PLXNA4: variants seen among roughly 807,000 people sequenced by gnomAD.
The protein encoded by PLXNA4 is plexin A4.
Under a neutral mutation model 191.8 loss-of-function variants are expected in PLXNA4, and 44 were observed. The ratio of observed to expected loss-of-function variants is 0.23; its 90% CI spans 0.18 to 0.29. The LOEUF (loss-of-function observed/expected upper bound fraction) is 0.29. Ranked by LOEUF, PLXNA4 falls within the 10% of genes least tolerant of loss-of-function variation. The probability of loss-of-function intolerance (pLI) is 1.00; values close to 1 mark genes in which losing one functional copy is unlikely to be tolerated. For missense variants in PLXNA4, 1,800 were observed against 2,488.8 expected (o/e 0.72, Z 5.89); for synonymous variants, 1,082 against 1,009.5 (o/e 1.07, Z -1.36).
intron 3 of PLXNA4, among the ~76,000 whole-genome samples, chr7:132,484,112 A>G (rs1797448200): frequency 2.0e-5 from 3 of 152,266 alleles, no homozygotes; most frequent in Non-Finnish European, 4.4e-5. Context: ...GTTCAAGAAT[A>G]TAAAATATGT....
intron 9 of PLXNA4, among the ~76,000 whole-genome samples, chr7:132,214,343 C>A (rs1407383279): frequency 6.6e-6 from 1 of 152,062 alleles, no homozygotes; most frequent in Non-Finnish European, 1.5e-5. Context: ...ATCGGTAGCC[C>A]CATAAAGGCC....
At chr7:132,244,993 C>T (rs1162819232) in intron 4 of PLXNA4, among the ~76,000 whole-genome samples, 4 of 152,182 alleles carry the variant, frequency 2.6e-5, no homozygotes, top group African/African-American at 7.2e-5. Flanking sequence ...TTGCCACTCA[C>T]AGCCTTACAC....
intron 20 of PLXNA4, 74 bp downstream of exon 20, chr7:132,179,613 T>C: frequency 6.4e-7 from 1 of 1,559,088 alleles, no homozygotes; most frequent in Non-Finnish European, 8.7e-7. Flanking sequence ...TGCATACACA[T>C]ACACAGATGT....
intron 3 of PLXNA4, among the ~76,000 whole-genome samples, chr7:132,349,161 T>C (rs1470048505): frequency 1.3e-5 from 2 of 152,188 alleles, no homozygotes; most frequent in Non-Finnish European, 2.9e-5. Context: ...TTTTTTTAAA[T>C]AAATAAAAGG....
chr7:132,381,690 G>A (rs1288826775), intron 3 of PLXNA4, among the ~76,000 whole-genome samples: 2 of 152,240 alleles, frequency 1.3e-5, no homozygotes, highest in Non-Finnish European at 2.9e-5. Context: ...CATTTGGGAT[G>A]AATGCGGAGT....
chr7:132,180,876 T>C, intron 18 of PLXNA4, 144 bp from the exon 19 acceptor site: 1 of 1,351,644 alleles, frequency 7.4e-7, no homozygotes, highest in Non-Finnish European at 9.9e-7. Context: ...CAAAAAATAT[T>C]CATGGCATGA....
intron 2 of PLXNA4, among the ~76,000 whole-genome samples, chr7:132,610,202 C>G (rs1048024759): frequency 6.6e-6 from 1 of 152,166 alleles, no homozygotes; most frequent in Non-Finnish European, 1.5e-5. Context: ...AGACAAAACC[C>G]TTACACAAGA....
chr7:132,371,311 C>A (rs1804429799), intron 3 of PLXNA4, among the ~76,000 whole-genome samples: 1 of 152,202 alleles, frequency 6.6e-6, no homozygotes, highest in African/African-American at 2.4e-5. Context: ...TTACCAAAAA[C>A]TGTCCCAGGA....
chr7:132,490,423 CT>C (rs35467841), intron 2 of PLXNA4, among the ~76,000 whole-genome samples: 20,646 of 109,866 alleles, frequency 0.19, 1,265 homozygotes, highest in African/African-American at 0.37. Flanking sequence ...CCTTTTCTTC[CT>C]TTTTTTTTTT....
At chr7:132,212,863 C>T (rs58752474) in intron 9 of PLXNA4, among the ~76,000 whole-genome samples, 10,454 of 152,178 alleles carry the variant, frequency 0.069, 1,081 homozygotes, top group African/African-American at 0.22. Flanking sequence ...TCCTGAAGGG[C>T]AGCTGAAAGA....
intron 13 of PLXNA4, 137 bp from the exon 14 acceptor site, chr7:132,194,316 T>C (rs1797184394): frequency 2.2e-6 from 3 of 1,343,244 alleles, no homozygotes; most frequent in East Asian, 4.8e-5. Context: ...GGGGAAGATA[T>C]CCTAATTCCT....
intron 2 of PLXNA4, among the ~76,000 whole-genome samples, chr7:132,583,998 T>A (rs1802459354): frequency 1.3e-5 from 2 of 152,206 alleles, no homozygotes; most frequent in South Asian, 4.1e-4. Context: ...ACTATGGGAA[T>A]AGGCACATGC....
rs1184725285 is a variant in PLXNA4 at position 132,141,737 on chromosome 7, TTTTC to T, written c.5226-930_5226-927del. Among the ~76,000 whole-genome samples, 5 of 152,050 alleles carry T rather than the reference TTTTC, an allele frequency of 3.3e-5. No homozygotes were observed. The East Asian group carries it at 7.8e-4, about 24-fold the overall frequency. The stretch of plus-strand genomic sequence containing the variant: ...TAAGTCTTTCCTTTCCTTTCTTTCT[TTTTC>T]TTTCTTTCAATGGAGTTTTGCTCTG... On this transcript the variant is annotated intron_variant, in intron 29 of 31. Coordinates refer to ENST00000321063, the MANE Select transcript of PLXNA4 (RefSeq NM_020911.2).
chr7:132,385,039 T>C, intron 3 of PLXNA4: 3 of 1,450,522 alleles, frequency 2.1e-6, no homozygotes, highest in Non-Finnish European at 2.7e-6. Context: ...CTCCAAAGTC[T>C]TTTTTCCCTA....
chr7:132,434,746 G>T (rs551868776), intron 3 of PLXNA4, among the ~76,000 whole-genome samples: 9 of 152,232 alleles, frequency 5.9e-5, no homozygotes, highest in African/African-American at 2.2e-4. Flanking sequence ...AGTGTGGAAC[G>T]GTGAGCTCCA....
intron 9 of PLXNA4, 91 bp from the exon 10 acceptor site, chr7:132,211,234 C>T (rs770192131): frequency 3.7e-5 from 51 of 1,379,928 alleles, no homozygotes; most frequent in Non-Finnish European, 4.8e-5. Flanking sequence ...TCCCTGTCTC[C>T]ACCCTTCCAT....
rs748174435 is a variant in PLXNA4 at position 132,532,145 on chromosome 7, G to A, written c.-86-23366C>T. 5.9e-5 allele frequency among the ~76,000 whole-genome samples: 9 copies of A among 152,284 alleles called. No individual in the cohort carries two copies. In the South Asian group the frequency reaches 1.0e-3, roughly 18 times the overall value. On this transcript the variant is annotated intron_variant, in intron 1 of 31. Transcript: ENST00000321063. Reference sequence around the variant, plus strand: ...AACACAGGTTGAAGACATAAAAGACGTTTTTACCCATTCCAACAAACTGGC... The same window carrying A: ...AACACAGGTTGAAGACATAAAAGACATTTTTACCCATTCCAACAAACTGGC...
At chr7:132,148,485 T>A (rs1188091297) in intron 26 of PLXNA4, 58 bp downstream of exon 26, 24 of 1,606,048 alleles carry the variant, frequency 1.5e-5, no homozygotes, top group Non-Finnish European at 2.0e-5. Flanking sequence ...AGGGCAATGA[T>A]TTCCAGGGCA....
intron 2 of PLXNA4, among the ~76,000 whole-genome samples, chr7:132,491,983 C>G (rs1050940206): frequency 7.9e-5 from 12 of 152,150 alleles, no homozygotes; most frequent in African/African-American, 2.9e-4. Flanking sequence ...GCCTGGGGTG[C>G]TAGGGGTCCT....
Sources: allele counts gnomAD v4.1 joint callset (sites outside exome capture counted in the v4.1 genomes callset), GRCh38; gene constraint gnomAD v4.1.1; transcripts MANE v1.5; gene names NCBI Gene and HGNC (gene_info 2026-07-23, HGNC 2026-07-21).